Variants in DENND4C observed in about 807,000 individuals in gnomAD.
DENND4C encodes DENN domain containing 4C.
DENND4C carries 108 observed loss-of-function variants against 203.0 expected under a neutral mutation model. The ratio of observed to expected loss-of-function variants is 0.53; its 90% CI spans 0.46 to 0.62. The LOEUF (loss-of-function observed/expected upper bound fraction) is 0.62. Ranked by LOEUF, DENND4C falls within the 20% of genes least tolerant of loss-of-function variation. The pLI is 0.00. For missense variants in DENND4C, 2,481 were observed against 2,301.2 expected, an observed-to-expected ratio of 1.08 and a Z score of -1.60; for synonymous variants, 871 against 792.4, an observed-to-expected ratio of 1.10 and a Z score of -1.67.
chr9:19,280,183 C>T (rs115683846), intron 2 of DENND4C, among the ~76,000 whole-genome samples: 3,155 of 151,676 alleles, frequency 0.021, 120 homozygotes, highest in African/African-American at 0.072. Context: ...GACAGAGTCT[C>T]GCTCTGTCCA....
intron 13 of DENND4C, among the ~76,000 whole-genome samples, chr9:19,325,501 T>A (rs1292596473): frequency 1.3e-5 from 2 of 152,174 alleles, no homozygotes; most frequent in Admixed American, 6.5e-5. Flanking sequence ...CTTAGAAGAT[T>A]TAAATAATTT....
intron 30 of DENND4C, among the ~76,000 whole-genome samples, chr9:19,363,675 A>G (rs1827000970): frequency 6.6e-6 from 1 of 152,056 alleles, no homozygotes; most frequent in Non-Finnish European, 1.5e-5. Context: ...TAAAAGCTCA[A>G]TCATACTAGT....
chr9:19,302,906 T>C (rs2131344096), intron 9 of DENND4C, among the ~76,000 whole-genome samples: 1 of 152,352 alleles, frequency 6.6e-6, no homozygotes. Flanking sequence ...GTTGTCACTT[T>C]ATTAATGAGT....
intron 3 of DENND4C, among the ~76,000 whole-genome samples, chr9:19,287,285 T>C (rs11999918): frequency 1.5e-3 from 221 of 152,356 alleles, no homozygotes; most frequent in African/African-American, 4.9e-3. Flanking sequence ...TATTCACTTT[T>C]GGATTTCAGT....
intron 1 of DENND4C, among the ~76,000 whole-genome samples, chr9:19,232,300 C>T (rs535405466): frequency 4.6e-5 from 7 of 151,982 alleles, no homozygotes; most frequent in Admixed American, 2.0e-4. Context: ...TTTTCTGCCA[C>T]TCAATCCACA....
intron 1 of DENND4C, among the ~76,000 whole-genome samples, 158 bp from the exon 2 acceptor site, chr9:19,275,996 AACTG>A (rs1178922062): frequency 6.6e-6 from 1 of 152,228 alleles, no homozygotes; most frequent in African/African-American, 2.4e-5. Flanking sequence ...TGCTTTTACC[AACTG>A]ACAAGATGAT....
chr9:19,269,093 AT>A (rs1486320770), intron 1 of DENND4C, among the ~76,000 whole-genome samples: 1 of 151,854 alleles, frequency 6.6e-6, no homozygotes, highest in Non-Finnish European at 1.5e-5. Context: ...TATTTTCTAG[AT>A]TTTGTAGGTG....
rs374780659 is a variant in DENND4C at position 19,300,251 on chromosome 9, T to C, written c.1231T>C (p.Phe411Leu). The C allele has an allele frequency of 6.6e-4, 1,072 of 1,613,002 alleles. 12 individuals are homozygous for C. The South Asian group carries it at 0.011, about 17-fold the overall frequency. Reference protein sequence around the residue: ...GPENCATLLLFVLLESKILLH... With the variant: ...GPENCATLLLLVLLESKILLH... ...TGAGAATTGTGCAACACTGCTGCTC[T>C]TTGTTTTACTTGAGAGTAAAATTCT... Residue 411 changes from phenylalanine to leucine, a missense_variant, in exon 9 of 33, where the codon TTT becomes CTT. Phe to Leu is a conservative substitution (Grantham distance 22, BLOSUM62 0). Around this residue, in one of 3 missense-constraint regions of DENND4C, gnomAD observed 2,289 missense variants for 2,113.3 expected, o/e 1.08. Transcript: ENST00000434457.
At position 19,286,817 on chromosome 9, in the gene DENND4C, C is replaced by A. The variant is rs1297062171; in HGVS notation, c.354C>A (p.Ile118=). ...GGCTTATTCCAGGATGTGAAGTGAT[C>A]CTAGCCACACCCTATGGTCGCTGTG... is the stretch of plus-strand genomic sequence containing the variant. ...KERLIPGCEV[I]LATPYGRCAN... Residue 118 remains isoleucine (I), a synonymous_variant, in exon 3 of 33, where the codon ATC becomes ATA. Coordinates refer to ENST00000434457, the MANE Select transcript of DENND4C (RefSeq NM_001330640.2). 8.9e-6 allele frequency: 11 copies of A among 1,231,968 alleles called. No homozygotes were observed. Among genetic ancestry groups the A allele is most frequent in the Non-Finnish European group, 1.1e-5 (11 of 987,952 alleles). 76.3% of individuals were successfully genotyped at this position (1,231,968 alleles called of 1,614,324 possible). A position where few individuals can be genotyped will look rare whatever the true frequency, so the allele number is the denominator to read the frequency against.
At chr9:19,307,423 C>T (rs1001213618) in intron 10 of DENND4C, among the ~76,000 whole-genome samples, 1 of 146,026 alleles carries the variant, frequency 6.8e-6, no homozygotes, top group Non-Finnish European at 1.5e-5. Flanking sequence ...AGAAGAAATA[C>T]CTCCAAATTA....
intron 1 of DENND4C, among the ~76,000 whole-genome samples, chr9:19,260,650 G>A (rs117702896): frequency 6.6e-6 from 1 of 152,094 alleles, no homozygotes; most frequent in African/African-American, 2.4e-5. Flanking sequence ...ACCCGCCTTG[G>A]TCTCCCAAAG....
chr9:19,262,467 A>G (rs1001991030), intron 1 of DENND4C, among the ~76,000 whole-genome samples: 3 of 120,696 alleles, frequency 2.5e-5, no homozygotes, highest in African/African-American at 3.6e-5. Context: ...TTTTTGAGAC[A>G]GTCACCCAGG....
rs1044450059 is a variant in DENND4C at position 19,356,314 on chromosome 9, A to G, written c.4782-658A>G. Among the ~76,000 whole-genome samples the G allele has an allele frequency of 2.0e-5, 3 of 152,162 alleles. 1 individual carries two copies. On this transcript the variant is annotated intron_variant, in intron 26 of 32. Coordinates refer to ENST00000434457, the MANE Select transcript of DENND4C (RefSeq NM_001330640.2). ...TTTTTTTATTTTGAGATAAATTGAT[A>G]TACAGCAAAATGTACAAATCTTAAA...
intron 28 of DENND4C, among the ~76,000 whole-genome samples, chr9:19,359,810 C>T (rs1731091995): frequency 6.6e-6 from 1 of 151,876 alleles, no homozygotes; most frequent in African/African-American, 2.4e-5. Context: ...GTTTTTGTTG[C>T]AATCAGTTGT....
chr9:19,334,995 A>C lies in DENND4C; in HGVS notation c.2479A>C (p.Met827Leu). ...TTGTTAGGTGTGCTATCGAGTAGTG[A>C]TGCAGCTTTGTGGACTTTGGGGTCA... Reference protein sequence around the residue: ...PLDEVCYRVVMQLCGLWGHPV... With the variant: ...PLDEVCYRVVLQLCGLWGHPV... The change falls in exon 18 of 33, where the codon ATG becomes CTG. Residue 827 changes from methionine (M) to leucine (L), a missense_variant. Met to Leu is a conservative substitution (Grantham distance 15, BLOSUM62 2). Coordinates refer to ENST00000434457, the MANE Select transcript of DENND4C (RefSeq NM_001330640.2). 1 of 1,606,010 alleles carries C rather than the reference A, an allele frequency of 6.2e-7. No individual in the cohort carries two copies. Among genetic ancestry groups the C allele is most frequent in the Non-Finnish European group, 8.5e-7 (1 of 1,177,452 alleles).
At chr9:19,371,447 T>C (rs540479959) in intron 31 of DENND4C, 1 of 186,104 alleles carries the variant, frequency 5.4e-6, no homozygotes, top group East Asian at 1.7e-4. Context: ...TGAAATGTAA[T>C]AAAGTTAAGC....
At chr9:19,314,575 C>T (rs181487841) in intron 10 of DENND4C, among the ~76,000 whole-genome samples, 11 of 152,038 alleles carry the variant, frequency 7.2e-5, no homozygotes, top group Admixed American at 1.3e-4. Context: ...ATTTAAAAAA[C>T]ATTGACATAT....
At chr9:19,365,814 AT>A (rs1827544451) in intron 30 of DENND4C, among the ~76,000 whole-genome samples, 1 of 151,896 alleles carries the variant, frequency 6.6e-6, no homozygotes, top group Non-Finnish European at 1.5e-5. Context: ...TAAGAAAACA[AT>A]TTTATTTATT....
chr9:19,252,657 T>C (rs1588745432), intron 1 of DENND4C, among the ~76,000 whole-genome samples: 2 of 152,106 alleles, frequency 1.3e-5, no homozygotes, highest in Non-Finnish European at 2.9e-5. Flanking sequence ...ATAGCTTCAT[T>C]GGCTCACATA....
Sources: allele counts gnomAD v4.1 joint callset (sites outside exome capture counted in the v4.1 genomes callset), GRCh38; gene constraint gnomAD v4.1.1; regional missense constraint gnomAD v4.1.1; transcripts MANE v1.5; gene names NCBI Gene and HGNC (gene_info 2026-07-23, HGNC 2026-07-21).